ZNF600: variants seen among roughly 807,000 people sequenced by gnomAD.
ZNF600 encodes the protein zinc finger protein KR-ZNF1.
In ZNF600, 4 loss-of-function variants were observed where a neutral mutation model predicts 7.3. The ratio of observed to expected loss-of-function variants is 0.55; its 90% CI spans 0.27 to 1.25. The LOEUF (loss-of-function observed/expected upper bound fraction) is 1.25. Ranked by LOEUF, ZNF600 falls within the 50% of genes most tolerant of loss-of-function variation. The pLI is 0.12. For missense variants in ZNF600, 911 were observed against 922.1 expected, an observed-to-expected ratio of 0.99 and a Z score of 0.16; for synonymous variants, 290 against 308.9, an observed-to-expected ratio of 0.94 and a Z score of 0.64.
the ZNF600 span, chr19:52,808,034 C>T: frequency 6.2e-7 from 1 of 1,613,556 alleles, no homozygotes; most frequent in Non-Finnish European, 8.5e-7. Flanking sequence ...CTATAATTCT[C>T]CAGCATCACA....
chr19:52,766,043 G>C (rs201485423), exon 4 of ZNF600: 1 of 1,613,062 alleles, frequency 6.2e-7, no homozygotes, highest in Non-Finnish European at 8.5e-7. Context: ...GTCTACGATG[G>C]TGAACAAGGG....
At chr19:52,777,204 C>A (rs756934218) in intron 2 of ZNF600, among the ~76,000 whole-genome samples, 1 of 151,920 alleles carries the variant, frequency 6.6e-6, no homozygotes, top group Non-Finnish European at 1.5e-5. Context: ...CGGTGAAACC[C>A]CATCTCTACT....
the ZNF600 span, among the ~76,000 whole-genome samples, chr19:52,820,767 TCTC>T: frequency 9.2e-5 from 14 of 152,302 alleles, no homozygotes; most frequent in East Asian, 2.5e-3. Flanking sequence ...CAGTTGCTTT[TCTC>T]CTCCTGCTTT....
chr19:52,767,606 T>A, exon 4 of ZNF600: 1 of 1,614,088 alleles, frequency 6.2e-7, no homozygotes, highest in South Asian at 1.1e-5. Flanking sequence ...TTCTTTCATC[T>A]TCTTGACACT....
intron 1 of ZNF600, among the ~76,000 whole-genome samples, chr19:52,779,672 C>A (rs1157719691): frequency 3.9e-5 from 6 of 152,102 alleles, no homozygotes; most frequent in Non-Finnish European, 8.8e-5. Context: ...AGCCAGACTC[C>A]CCTTCTATTC....
chr19:52,775,550 AAAACAAAC>A (rs546117391), intron 2 of ZNF600, among the ~76,000 whole-genome samples: 3 of 152,132 alleles, frequency 2.0e-5, no homozygotes, highest in African/African-American at 7.2e-5. Context: ...CTCCATCTCA[AAAACAAAC>A]AAACAAACAA....
chr19:52,828,452 GA>G, the ZNF600 span, among the ~76,000 whole-genome samples: 15 of 152,230 alleles, frequency 9.9e-5, no homozygotes, highest in Non-Finnish European at 1.3e-4. Flanking sequence ...GGGTAACAGG[GA>G]GAGACTTTCT....
exon 4 of ZNF600, chr19:52,767,403 G>C (rs758532811): frequency 1.2e-6 from 2 of 1,614,136 alleles, no homozygotes; most frequent in South Asian, 2.2e-5. Context: ...AACCGAGGGA[G>C]CATCACTGGT....
chr19:52,769,802 G>A lies in ZNF600; in HGVS notation c.191-2030C>T, dbSNP rs1381707180. Reference sequence around the variant, plus strand: ...ACTCCTGACCTCAAGTAATCTTCCCGCCTCAGCCTCCCAAAGTTCTGGGAT... The same window carrying A: ...ACTCCTGACCTCAAGTAATCTTCCCACCTCAGCCTCCCAAAGTTCTGGGAT... On this transcript the variant is annotated intron_variant, in intron 3 of 3. Coordinates refer to ENST00000648973, the Ensembl canonical transcript of ZNF600. 1.2e-4 allele frequency among the ~76,000 whole-genome samples: 18 copies of A among 152,062 alleles called. 1 individual carries two copies. The highest frequency in any genetic ancestry group is 1.9e-4 in the East Asian group (1 of 5,176).
At chr19:52,798,472 C>A in the ZNF600 span, 2 of 474,662 alleles carry the variant, frequency 4.2e-6, no homozygotes, top group South Asian at 3.2e-5. Context: ...TGATGGTCTG[C>A]AAGGAGTGAT....
At chr19:52,804,326 T>C in the ZNF600 span, among the ~76,000 whole-genome samples, 15,267 of 152,168 alleles carry the variant, frequency 0.1, 1,411 homozygotes, top group African/African-American at 0.23. Context: ...GATGGAGTCA[T>C]GCTCTATCAC....
At chr19:52,825,435 AG>A in the ZNF600 span, among the ~76,000 whole-genome samples, 1 of 152,120 alleles carries the variant, frequency 6.6e-6, no homozygotes, top group African/African-American at 2.4e-5. Context: ...AGTACTTGGG[AG>A]GCCGAGGAGG....
At chr19:52,813,925 G>A in the ZNF600 span, among the ~76,000 whole-genome samples, 2 of 145,976 alleles carry the variant, frequency 1.4e-5, no homozygotes, top group African/African-American at 5.3e-5. Context: ...GTGGGAGATG[G>A]ACTCTGTTTA....
chr19:52,810,330 G>C, the ZNF600 span: 1 of 1,599,768 alleles, frequency 6.3e-7, no homozygotes, highest in African/African-American at 1.3e-5. Flanking sequence ...TGGCAATGTG[G>C]ACTGCGGTGC....
the ZNF600 span, chr19:52,800,410 T>C: frequency 6.2e-7 from 1 of 1,614,120 alleles, no homozygotes; most frequent in East Asian, 2.2e-5. Context: ...AGGTGTGATT[T>C]GCACCTGAAA....
the ZNF600 span, among the ~76,000 whole-genome samples, chr19:52,794,985 G>A: frequency 1.1e-4 from 16 of 152,228 alleles, no homozygotes; most frequent in South Asian, 2.9e-3. Context: ...ATTGTAATAC[G>A]TTCAAAATAA....
the ZNF600 span, among the ~76,000 whole-genome samples, chr19:52,832,439 A>C: frequency 4.6e-5 from 7 of 151,882 alleles, no homozygotes; most frequent in African/African-American, 1.7e-4. Context: ...CTAAGAATAC[A>C]GAAAAATTAG....
chr19:52,792,417 G>A, the ZNF600 span, among the ~76,000 whole-genome samples: 1 of 152,012 alleles, frequency 6.6e-6, no homozygotes, highest in African/African-American at 2.4e-5. Context: ...TCATCCAAAA[G>A]GCTAATCAGA....
chr19:52,808,030 T>C, the ZNF600 span: 1 of 1,613,518 alleles, frequency 6.2e-7, no homozygotes. Flanking sequence ...GTTCCTATAA[T>C]TCTCCAGCAT....
Sources: allele counts gnomAD v4.1 joint callset (sites outside exome capture counted in the v4.1 genomes callset), GRCh38; gene constraint gnomAD v4.1.1; transcripts MANE v1.5; gene names NCBI Gene and HGNC (gene_info 2026-07-23, HGNC 2026-07-21).